The following FEZ1 variants were observed in gnomAD, a reference collection of about 807,000 sequenced individuals.
The protein encoded by FEZ1 is fasciculation and elongation protein zeta 1, also known as fasciculation and elongation protein zeta-1.
FEZ1 carries 20 observed loss-of-function variants against 49.3 expected under a neutral mutation model. The observed-to-expected ratio is 0.41, with a 90% CI of 0.29 to 0.59. FEZ1 has a LOEUF of 0.59. Ranked by LOEUF, FEZ1 falls within the 20% of genes least tolerant of loss-of-function variation. The pLI is 0.36. For missense variants in FEZ1, 413 were observed against 476.0 expected (o/e 0.87, Z 1.23); for synonymous variants, 170 against 180.9 (o/e 0.94, Z 0.48).
chr11:125,464,838 G>A (rs1409300107), intron 3 of FEZ1, among the ~76,000 whole-genome samples: 1 of 152,214 alleles, frequency 6.6e-6, no homozygotes, highest in African/African-American at 2.4e-5. Flanking sequence ...ACCAGATGGT[G>A]ACATCTATTT....
intron 3 of FEZ1, among the ~76,000 whole-genome samples, chr11:125,475,631 T>C (rs1957224143): frequency 6.6e-6 from 1 of 152,056 alleles, no homozygotes; most frequent in South Asian, 2.1e-4. Flanking sequence ...ATAACCAATG[T>C]ATACTAGGTT....
At chr11:125,467,210 TG>T (rs1225546243) in intron 3 of FEZ1, among the ~76,000 whole-genome samples, 1 of 152,064 alleles carries the variant, frequency 6.6e-6, no homozygotes, top group Non-Finnish European at 1.5e-5. Flanking sequence ...AGATTTTTTT[TG>T]TTTTGAATTT....
chr11:125,460,436 C>A, intron 5 of FEZ1, 62 bp downstream of exon 5: 1 of 1,500,580 alleles, frequency 6.7e-7, no homozygotes, highest in East Asian at 2.3e-5. Flanking sequence ...AAGCACACAG[C>A]CCAGAGCCTG....
rs1171127566 is a variant in FEZ1 at position 125,444,648 on chromosome 11, T to C, written c.*1447A>G. On this transcript the variant is annotated 3_prime_UTR_variant, in exon 10 of 10. Coordinates refer to ENST00000278919, the MANE Select transcript of FEZ1 (RefSeq NM_005103.5). ...CACTGGGAGTGCCTTCTGTGTCCCC[T>C]AGATGGATTCTGTGGCCTTCTGTGG... Among the ~76,000 whole-genome samples, 1 of 151,830 alleles carries C rather than the reference T, an allele frequency of 6.6e-6. No homozygotes were observed. Among genetic ancestry groups the C allele is most frequent in the Non-Finnish European group, 1.5e-5 (1 of 67,978 alleles).
chr11:125,481,607 T>C lies in FEZ1; in HGVS notation c.338A>G (p.Tyr113Cys). The change falls in exon 3 of 10, where the codon TAC becomes TGC. Residue 113 changes from tyrosine to cysteine, a missense_variant. Tyr to Cys is a radical substitution (Grantham distance 194). Coordinates refer to ENST00000278919, the MANE Select transcript of FEZ1 (RefSeq NM_005103.5). ...EEVWDALTDN[Y>C]IPSLSEDWRD... ...CCAGTCTTCTGAGAGTGAAGGGATG[T>C]AATTGTCTGTCAGAGCATCCCAAAC... is the stretch of plus-strand genomic sequence containing the variant. 1 of 1,612,050 alleles carries C rather than the reference T, an allele frequency of 6.2e-7. No individual in the cohort carries two copies. The highest frequency in any genetic ancestry group is 8.5e-7 in the Non-Finnish European group (1 of 1,178,302).
At chr11:125,493,349 GAAAGAA>G (rs1957402168) in intron 1 of FEZ1, among the ~76,000 whole-genome samples, 10 of 131,830 alleles carry the variant, frequency 7.6e-5, no homozygotes, top group South Asian at 2.5e-4. Context: ...AAGAAAGAAA[GAAAGAA>G]AGAGAGAAAA....
Position 125,481,563 on chromosome 11 carries a change from C to G in FEZ1, c.382G>C (p.Ala128Pro), listed in dbSNP as rs769973779. The G allele has an allele frequency of 6.2e-7, 1 of 1,613,124 alleles. No individual in the cohort carries two copies. The highest frequency in any genetic ancestry group is 1.1e-5 in the South Asian group (1 of 91,058). ...SEDWRDPNIE[A>P]LNGNCSDTEI... ...GTGTCAGAGCAGTTGCCATTCAGAG[C>G]CTCGATGTTTGGATCCCTCCAGTCT... The change falls in exon 3 of 10, where the codon GCT becomes CCT. Residue 128 changes from alanine (A) to proline (P), a missense_variant. By Grantham distance (27) the Ala-to-Pro change is conservative. Coordinates refer to ENST00000278919, the MANE Select transcript of FEZ1 (RefSeq NM_005103.5).
chr11:125,485,804 G>A (rs956468034), intron 2 of FEZ1, among the ~76,000 whole-genome samples: 2 of 150,566 alleles, frequency 1.3e-5, no homozygotes, highest in African/African-American at 2.4e-5. Context: ...AAATTAGTCC[G>A]GCGTGGCAGC....
At chr11:125,460,734 G>A in intron 4 of FEZ1, 68 bp from the exon 5 acceptor site, 1 of 1,425,092 alleles carries the variant, frequency 7.0e-7, no homozygotes, top group Non-Finnish European at 9.7e-7. Flanking sequence ...CTTGAATTTT[G>A]ATCAGTTAAG....
chr11:125,448,554 C>T lies in FEZ1; in HGVS notation c.1110G>A (p.Met370Ile). The T allele has an allele frequency of 6.2e-7, 1 of 1,610,480 alleles. No individual in the cohort carries two copies. The highest frequency in any genetic ancestry group is 1.1e-5 in the South Asian group (1 of 90,970). ...LQMLTNILFA[M>I]KEDNEKVPTL... ...TAGGCACCTTCTCATTATCCTCCTT[C>T]ATGGCAAAGAGAACTAGGAAAGGAG... is the stretch of plus-strand genomic sequence containing the variant. The change falls in exon 9 of 10, where the codon ATG (methionine) becomes ATA (isoleucine). Residue 370 changes from methionine to isoleucine, a missense_variant. Coordinates refer to ENST00000278919, the MANE Select transcript of FEZ1 (RefSeq NM_005103.5).
At position 125,484,331 on chromosome 11, in the gene FEZ1, C is replaced by G. The variant is rs138846440; in HGVS notation, c.312-2698G>C. Among the ~76,000 whole-genome samples, 108 of 152,356 alleles carry G rather than the reference C, an allele frequency of 7.1e-4. No individual in the cohort carries two copies. The East Asian group carries it at 0.02, about 29-fold the overall frequency. Reference sequence around the variant, plus strand: ...TTTAATTCACTTGTCTCAGCTCACACTGCCAGTAATGGTAAAAGTGGGATT... The same window carrying G: ...TTTAATTCACTTGTCTCAGCTCACAGTGCCAGTAATGGTAAAAGTGGGATT... On this transcript the variant is annotated intron_variant, in intron 2 of 9. Transcript: ENST00000278919.
chr11:125,476,291 G>A (rs994173021), intron 3 of FEZ1, among the ~76,000 whole-genome samples: 1 of 152,064 alleles, frequency 6.6e-6, no homozygotes, highest in African/African-American at 2.4e-5. Context: ...ATTACGATAT[G>A]GGGGGAAAAA....
intron 3 of FEZ1, among the ~76,000 whole-genome samples, chr11:125,465,539 TG>T (rs1327498816): frequency 1.3e-5 from 2 of 152,122 alleles, no homozygotes; most frequent in Non-Finnish European, 2.9e-5. Context: ...AAAACAGAGA[TG>T]GGAAAATCAA....
intron 8 of FEZ1, among the ~76,000 whole-genome samples, chr11:125,450,228 C>G (rs1247482857): frequency 6.6e-6 from 1 of 152,120 alleles, no homozygotes; most frequent in Non-Finnish European, 1.5e-5. Context: ...GGGGGTTTCA[C>G]CATGTTGGCC....
chr11:125,483,666 G>A (rs972274298), intron 2 of FEZ1, among the ~76,000 whole-genome samples: 1 of 152,234 alleles, frequency 6.6e-6, no homozygotes, highest in African/African-American at 2.4e-5. Context: ...ATTCTCTGCT[G>A]CAAGAATGAA....
chr11:125,447,809 G>A (rs981676441), intron 9 of FEZ1, among the ~76,000 whole-genome samples: 20 of 147,040 alleles, frequency 1.4e-4, no homozygotes, highest in Middle Eastern at 3.5e-3. Context: ...GTGACAGAGC[G>A]AGATTCCATC....
intron 3 of FEZ1, among the ~76,000 whole-genome samples, chr11:125,471,043 A>G (rs1193527089): frequency 6.6e-6 from 1 of 152,196 alleles, no homozygotes; most frequent in Admixed American, 6.5e-5. Flanking sequence ...TGATTAATTA[A>G]TAATGTATAG....
Position 125,444,880 on chromosome 11 carries a change from C to T in FEZ1, c.*1215G>A, listed in dbSNP as rs1956885978. On this transcript the variant is annotated 3_prime_UTR_variant, in exon 10 of 10. Transcript: ENST00000278919. ...TGCAAAATCGGGATCATACTAGCAC[C>T]TGTTTACACGTGGTGATGCTGTGAT... 6.6e-6 allele frequency among the ~76,000 whole-genome samples: 1 copy of T among 152,198 alleles called. No individual in the cohort carries two copies. The highest frequency in any genetic ancestry group is 2.1e-4 in the South Asian group (1 of 4,826).
chr11:125,469,862 T>A (rs1053472296), intron 3 of FEZ1, among the ~76,000 whole-genome samples: 10 of 151,676 alleles, frequency 6.6e-5, no homozygotes, highest in African/African-American at 2.4e-4. Flanking sequence ...GCAAGTGCAC[T>A]CCATCCCCTG....
Sources: allele counts gnomAD v4.1 joint callset (sites outside exome capture counted in the v4.1 genomes callset), GRCh38; gene constraint gnomAD v4.1.1; transcripts MANE v1.5; gene names NCBI Gene and HGNC (gene_info 2026-07-23, HGNC 2026-07-21).